The following ADAMTSL3 variants were observed in gnomAD, a reference collection of about 807,000 sequenced individuals.
The protein encoded by ADAMTSL3 is ADAMTS like 3.
ADAMTSL3 carries 128 observed loss-of-function variants against 201.7 expected under a neutral mutation model. The ratio of observed to expected loss-of-function variants is 0.63; its 90% CI spans 0.55 to 0.73. The LOEUF is 0.73. Among genes scored for constraint, ADAMTSL3 ranks in the 30% least tolerant of loss-of-function variants. The pLI, the probability that ADAMTSL3 is intolerant of heterozygous loss-of-function variation, is 0.00. For synonymous variants in ADAMTSL3, 738 were observed against 748.4 expected (o/e 0.99, Z 0.23); for missense variants, 1,990 against 2,119.6 (o/e 0.94, Z 1.20).
chr15:84,020,832 A>C (rs1231682252), intron 25 of ADAMTSL3, among the ~76,000 whole-genome samples: 1 of 152,232 alleles, frequency 6.6e-6, no homozygotes, highest in Non-Finnish European at 1.5e-5. Context: ...AAACTCCTAC[A>C]TTTATCTCTT....
At chr15:84,023,176 A>G (rs1449145256) in intron 26 of ADAMTSL3, among the ~76,000 whole-genome samples, 2 of 152,206 alleles carry the variant, frequency 1.3e-5, no homozygotes, top group African/African-American at 4.8e-5. Context: ...TACTCCCTAT[A>G]AATATTTATG....
chr15:83,993,033 TC>T (rs1356977726), intron 23 of ADAMTSL3, among the ~76,000 whole-genome samples: 1 of 152,224 alleles, frequency 6.6e-6, no homozygotes, highest in Non-Finnish European at 1.5e-5. Context: ...ATGAGTTCTT[TC>T]CTTTTAAAAA....
At chr15:83,745,367 T>C (rs1487548625) in intron 3 of ADAMTSL3, among the ~76,000 whole-genome samples, 1 of 152,184 alleles carries the variant, frequency 6.6e-6, no homozygotes, top group African/African-American at 2.4e-5. Flanking sequence ...TCTGTCCTCA[T>C]TAGCGGAGAG....
chr15:83,786,749 G>A (rs1292548010), intron 4 of ADAMTSL3, among the ~76,000 whole-genome samples: 5 of 151,946 alleles, frequency 3.3e-5, no homozygotes, highest in Admixed American at 6.6e-5. Context: ...TATTCTTCAA[G>A]GTCATGCTCT....
chr15:83,883,180 T>C (rs1233256403), intron 9 of ADAMTSL3, among the ~76,000 whole-genome samples: 2 of 151,260 alleles, frequency 1.3e-5, no homozygotes, highest in Non-Finnish European at 2.9e-5. Context: ...TTTTATTTTA[T>C]TTTATTTTTT....
chr15:83,670,810 G>T (rs8038644), intron 2 of ADAMTSL3, among the ~76,000 whole-genome samples: 5 of 152,178 alleles, frequency 3.3e-5, no homozygotes, highest in African/African-American at 1.2e-4. Flanking sequence ...GATGTCTATT[G>T]TAACTCTGCT....
At chr15:83,872,515 G>T (rs1476396397) in intron 9 of ADAMTSL3, among the ~76,000 whole-genome samples, 1 of 150,808 alleles carries the variant, frequency 6.6e-6, no homozygotes, top group East Asian at 1.9e-4. Context: ...GTCTCTCTCT[G>T]GTCTATTGTT....
At chr15:83,687,843 C>A (rs930977461) in intron 2 of ADAMTSL3, among the ~76,000 whole-genome samples, 3 of 152,002 alleles carry the variant, frequency 2.0e-5, no homozygotes, top group Non-Finnish European at 2.9e-5. Context: ...CTGGAACAGC[C>A]ACCAACTAAG....
At chr15:83,667,517 GT>G (rs35255014) in intron 2 of ADAMTSL3, among the ~76,000 whole-genome samples, 48,539 of 119,932 alleles carry the variant, frequency 0.4, 8,565 homozygotes, top group South Asian at 0.62. Flanking sequence ...AATTATGAAG[GT>G]TTTTTTTTTT....
chr15:83,914,178 T>A (rs1437026387), intron 16 of ADAMTSL3, among the ~76,000 whole-genome samples: 1 of 152,198 alleles, frequency 6.6e-6, no homozygotes, highest in Non-Finnish European at 1.5e-5. Context: ...TGTAAAGAGC[T>A]TGGTGCCTGA....
intron 3 of ADAMTSL3, among the ~76,000 whole-genome samples, chr15:83,772,799 TG>T (rs1441852338): frequency 2.0e-5 from 3 of 151,498 alleles, no homozygotes; most frequent in African/African-American, 7.3e-5. Context: ...TCCGCCTCCC[TG>T]GTTCAAGTGA....
intron 3 of ADAMTSL3, among the ~76,000 whole-genome samples, chr15:83,770,379 A>G (rs1017788127): frequency 1.7e-4 from 26 of 152,206 alleles, no homozygotes; most frequent in African/African-American, 6.3e-4. Context: ...TCCCAACAAC[A>G]TTCGTTCCTA....
intron 27 of ADAMTSL3, among the ~76,000 whole-genome samples, chr15:84,026,117 C>T (rs900137643): frequency 6.6e-6 from 1 of 152,094 alleles, no homozygotes; most frequent in African/African-American, 2.4e-5. Flanking sequence ...TTTCCTCATC[C>T]TATGTCAGAG....
At chr15:83,837,411 G>A (rs983127730) in intron 6 of ADAMTSL3, among the ~76,000 whole-genome samples, 1 of 152,020 alleles carries the variant, frequency 6.6e-6, no homozygotes, top group Non-Finnish European at 1.5e-5. Flanking sequence ...GTTTTGGGGA[G>A]GAAATGAGAG....
rs894182842 is a variant in ADAMTSL3 at position 83,970,593 on chromosome 15, C to A, written c.2600C>A (p.Pro867Gln). Reference sequence around the variant, plus strand: ...AGTGAGATGATGTGCAGGGATCTACCAGGGCTCCCTCTTGTAAGATCTTGC... The same window carrying A: ...AGTGAGATGATGTGCAGGGATCTACAAGGGCTCCCTCTTGTAAGATCTTGC... Reference protein sequence around the residue: ...PLSEMMCRDLPGLPLVRSCQM... With the variant: ...PLSEMMCRDLQGLPLVRSCQM... The change falls in exon 20 of 30, where the codon CCA (proline) becomes CAA (glutamine). Residue 867 changes from proline (P) to glutamine (Q), a missense_variant. Pro to Gln is a moderately conservative substitution (Grantham distance 76). Transcript: ENST00000286744. The A allele has an allele frequency of 6.2e-7, 1 of 1,614,190 alleles. No individual in the cohort carries two copies.
chr15:83,909,053 A>G (rs1246626728), intron 15 of ADAMTSL3, among the ~76,000 whole-genome samples: 3 of 152,196 alleles, frequency 2.0e-5, no homozygotes, highest in Admixed American at 2.0e-4. Context: ...GGTCTCATCC[A>G]TCTTTGAGCC....
At chr15:83,800,272 G>A (rs1038001508) in intron 4 of ADAMTSL3, among the ~76,000 whole-genome samples, 5 of 152,134 alleles carry the variant, frequency 3.3e-5, no homozygotes, top group East Asian at 1.9e-4. Context: ...TTGAAAATTC[G>A]TGACATAAAA....
In ADAMTSL3 at chr15:83,872,875, A is replaced by C. The variant is rs892519752; in HGVS notation, c.960+1916A>C. On this transcript the variant is annotated intron_variant, in intron 9 of 29. Coordinates refer to ENST00000286744, the MANE Select transcript of ADAMTSL3 (RefSeq NM_207517.3). Reference sequence around the variant, plus strand: ...CATATTTCTATGAGTTTGTATGTACACACACGTATATGTATATGTATATTT... The same window carrying C: ...CATATTTCTATGAGTTTGTATGTACCCACACGTATATGTATATGTATATTT... Among the ~76,000 whole-genome samples the C allele has an allele frequency of 1.6e-4, 23 of 145,828 alleles. 4 individuals are homozygous for C. The highest frequency in any genetic ancestry group is 6.0e-4 in the African/African-American group (23 of 38,160).
intron 20 of ADAMTSL3, among the ~76,000 whole-genome samples, chr15:83,978,339 A>G (rs1596490149): frequency 6.6e-6 from 1 of 152,136 alleles, no homozygotes; most frequent in Admixed American, 6.5e-5. Context: ...TACAGAAGAA[A>G]GCTCATTTCA....
Sources: gnomAD v4.1 joint callset for allele counts (sites outside exome capture counted in the v4.1 genomes callset) on GRCh38, gnomAD v4.1.1 for gene constraint, MANE v1.5 for transcripts, NCBI Gene and HGNC (gene_info 2026-07-23, HGNC 2026-07-21) for gene names.